The following SPATA17 variants were observed in gnomAD, a reference collection of about 807,000 sequenced individuals.
SPATA17 encodes spermatogenesis associated 17, also known as spermatogenesis-associated protein 17.
In SPATA17, 53 loss-of-function variants were observed where a neutral mutation model predicts 62.2. The ratio of observed to expected loss-of-function variants is 0.85; its 90% CI spans 0.68 to 1.07. SPATA17 has a LOEUF of 1.07. SPATA17 is among the 50% of genes least tolerant of loss of function. SPATA17 has a pLI of 0.00. For synonymous variants in SPATA17, 146 were observed against 146.8 expected (o/e 0.99, Z 0.04); for missense variants, 466 against 425.5 (o/e 1.10, Z -0.84).
At chr1:217,734,066 T>G (rs1306353756) in intron 5 of SPATA17, among the ~76,000 whole-genome samples, 1 of 152,186 alleles carries the variant, frequency 6.6e-6, no homozygotes, top group Non-Finnish European at 1.5e-5. Flanking sequence ...ATGGGAATAT[T>G]TTAGGTATCT....
chr1:217,809,773 A>G (rs1674538948), intron 9 of SPATA17, among the ~76,000 whole-genome samples: 1 of 152,188 alleles, frequency 6.6e-6, no homozygotes, highest in Admixed American at 6.5e-5. Flanking sequence ...AGTTTTGGTG[A>G]GAACAAACTC....
intron 1 of SPATA17, among the ~76,000 whole-genome samples, chr1:217,639,413 C>G (rs1301389780): frequency 6.6e-6 from 1 of 151,980 alleles, no homozygotes; most frequent in Non-Finnish European, 1.5e-5. Context: ...TGTACCCTAC[C>G]TGACGAAATG....
chr1:217,847,173 AT>A (rs1350410542), intron 9 of SPATA17, among the ~76,000 whole-genome samples: 2 of 151,960 alleles, frequency 1.3e-5, no homozygotes, highest in East Asian at 1.9e-4. Flanking sequence ...TGTTCAAAAA[AT>A]AATAATGAAA....
At chr1:217,846,571 GA>G (rs1675534625) in intron 9 of SPATA17, among the ~76,000 whole-genome samples, 1 of 151,944 alleles carries the variant, frequency 6.6e-6, no homozygotes, top group East Asian at 1.9e-4. Context: ...AAGCTTAACT[GA>G]AAGACTTTTC....
rs1670215791 is a variant in SPATA17 at position 217,647,631 on chromosome 1, T to C, written c.69-1251T>C. Among the ~76,000 whole-genome samples the C allele has an allele frequency of 3.3e-5, 5 of 152,240 alleles. No homozygotes were observed. The South Asian group carries it at 1.0e-3, about 32-fold the overall frequency. On this transcript the variant is annotated intron_variant, in intron 1 of 10. Coordinates refer to ENST00000366933, the MANE Select transcript of SPATA17 (RefSeq NM_138796.4). ...TTGTAGTCTGGGAAGTCAGGGAAAG[T>C]TCTCTGGAGAAAAGGACTTTAAGCT...
chr1:217,742,633 T>G (rs1027504266), intron 6 of SPATA17, among the ~76,000 whole-genome samples: 1 of 152,174 alleles, frequency 6.6e-6, no homozygotes, highest in African/African-American at 2.4e-5. Flanking sequence ...TTTACAATGC[T>G]TGCTAAAATG....
intron 6 of SPATA17, among the ~76,000 whole-genome samples, chr1:217,764,265 G>A (rs372243695): frequency 2.6e-5 from 4 of 151,940 alleles, no homozygotes; most frequent in South Asian, 2.1e-4. Flanking sequence ...TACAACCTCC[G>A]TAAGCCACTG....
Position 217,631,413 on chromosome 1 carries a change from C to T in SPATA17, c.35C>T (p.Ser12Leu). 1.2e-6 allele frequency: 2 copies of T among 1,614,028 alleles called. No individual in the cohort carries two copies. Among genetic ancestry groups the T allele is most frequent in the East Asian group, 2.2e-5 (1 of 44,858 alleles). The change falls in exon 1 of 11, where the codon TCG becomes TTG. Residue 12 changes from serine to leucine, a missense_variant. Transcript: ENST00000366933. Reference sequence around the variant, plus strand: ...TTAGCCCGGCTGCAAGCTAGGTCGTCGACTGTAGGAAATCAGTACTACTTT... The same window carrying T: ...TTAGCCCGGCTGCAAGCTAGGTCGTTGACTGTAGGAAATCAGTACTACTTT... ...ATLARLQARS[S>L]TVGNQYYFRN...
intron 5 of SPATA17, among the ~76,000 whole-genome samples, chr1:217,704,507 C>T (rs1477010382): frequency 1.3e-5 from 2 of 151,846 alleles, no homozygotes; most frequent in Admixed American, 1.3e-4. Flanking sequence ...GCCTCGGCCT[C>T]CCAAAGTGCT....
At position 217,745,375 on chromosome 1, in the gene SPATA17, C is replaced by T. The variant is rs373637646; in HGVS notation, c.519+3277C>T. Among the ~76,000 whole-genome samples, 81 of 152,212 alleles carry T rather than the reference C, an allele frequency of 5.3e-4. 1 individual carries two copies. The highest frequency in any genetic ancestry group is 1.8e-3 in the African/African-American group (73 of 41,546). On this transcript the variant is annotated intron_variant, in intron 6 of 10. Transcript: ENST00000366933. ...TGGTGGTAAAATAGAATAGCAGTGT[C>T]ATCTTAGACTCATCTGTTCATTTTG...
chr1:217,651,048 A>G (rs907111077), intron 2 of SPATA17, 49 bp from the exon 3 acceptor site: 1 of 1,380,852 alleles, frequency 7.2e-7, no homozygotes, highest in Admixed American at 2.0e-5. Context: ...GATTTAACTG[A>G]CCTTGTTTCA....
intron 4 of SPATA17, among the ~76,000 whole-genome samples, chr1:217,678,366 G>A (rs1314809977): frequency 3.3e-5 from 5 of 151,508 alleles, no homozygotes; most frequent in African/African-American, 2.4e-5. Context: ...CTGCCACCAC[G>A]CCCAGCTAAT....
intron 1 of SPATA17, among the ~76,000 whole-genome samples, chr1:217,635,597 G>A (rs1432724507): frequency 6.6e-6 from 1 of 151,980 alleles, no homozygotes; most frequent in Non-Finnish European, 1.5e-5. Flanking sequence ...CCAACTACTC[G>A]AGAGGCTGAG....
chr1:217,638,132 T>C (rs986037106), intron 1 of SPATA17, among the ~76,000 whole-genome samples: 11 of 152,204 alleles, frequency 7.2e-5, no homozygotes, highest in African/African-American at 2.4e-4. Context: ...TTTTTGGCTA[T>C]TCCTAAATAT....
At chr1:217,636,258 G>A (rs565509121) in intron 1 of SPATA17, among the ~76,000 whole-genome samples, 1 of 152,152 alleles carries the variant, frequency 6.6e-6, no homozygotes, top group Admixed American at 6.5e-5. Flanking sequence ...AACAAGGTAG[G>A]GACAGAAATG....
At chr1:217,661,416 T>C (rs931466338) in intron 3 of SPATA17, among the ~76,000 whole-genome samples, 3 of 152,062 alleles carry the variant, frequency 2.0e-5, no homozygotes, top group African/African-American at 7.2e-5. Context: ...AAAATTCTCC[T>C]ATACCCAAAT....
chr1:217,818,683 T>C (rs1375428000), intron 9 of SPATA17, among the ~76,000 whole-genome samples: 2 of 151,916 alleles, frequency 1.3e-5, no homozygotes, highest in Non-Finnish European at 2.9e-5. Context: ...TTCAGGTACA[T>C]AGTGGTTCCT....
chr1:217,674,735 C>T (rs1184083637), intron 4 of SPATA17, among the ~76,000 whole-genome samples: 5 of 152,196 alleles, frequency 3.3e-5, no homozygotes, highest in East Asian at 1.9e-4. Context: ...ACAGCTGGTT[C>T]GGTCCCTTGC....
intron 9 of SPATA17, among the ~76,000 whole-genome samples, chr1:217,856,783 G>A (rs1209247600): frequency 6.6e-6 from 1 of 152,144 alleles, no homozygotes; most frequent in African/African-American, 2.4e-5. Flanking sequence ...ATATTCTTTT[G>A]TCAGAACTGT....
Sources: allele counts gnomAD v4.1 joint callset (sites outside exome capture counted in the v4.1 genomes callset), GRCh38; gene constraint gnomAD v4.1.1; transcripts MANE v1.5; gene names NCBI Gene and HGNC (gene_info 2026-07-23, HGNC 2026-07-21).